Variants in ACTR3C observed in about 807,000 individuals in gnomAD.
ACTR3C encodes actin related protein 3C, also known as actin-related protein 3C.
A neutral mutation model predicts 26.3 loss-of-function variants in ACTR3C; 18 were observed. The observed-to-expected ratio is 0.68, with a 90% CI of 0.47 to 1.01. The LOEUF (loss-of-function observed/expected upper bound fraction) is 1.01. Among genes scored for constraint, ACTR3C ranks in the 50% least tolerant of loss-of-function variants. The pLI, the probability that ACTR3C is intolerant of heterozygous loss-of-function variation, is 0.00. For synonymous variants in ACTR3C, 55 were observed against 94.5 expected, an observed-to-expected ratio of 0.58 and a Z score of 2.42; for missense variants, 184 against 250.7, an observed-to-expected ratio of 0.73 and a Z score of 1.80.
At chr7:149,906,412 CTTTTTTTTTTTTTTTTTTT>C in the ACTR3C span, among the ~76,000 whole-genome samples, 28 of 72,108 alleles carry the variant, frequency 3.9e-4, no homozygotes, top group South Asian at 1.5e-3. Flanking sequence ...GGGTTTGTTT[CTTTTTTTTTTTTTTTTTTT>C]TTTTTTTTTT....
the ACTR3C span, among the ~76,000 whole-genome samples, chr7:150,042,497 C>G: frequency 3.3e-3 from 462 of 141,012 alleles, 5 homozygotes; most frequent in African/African-American, 0.012. Context: ...CCCCGCCTCG[C>G]GGGGATTGCC....
the ACTR3C span, among the ~76,000 whole-genome samples, chr7:149,921,111 AT>A: frequency 1.3e-5 from 2 of 152,046 alleles, no homozygotes; most frequent in Admixed American, 6.6e-5. Flanking sequence ...ATGACTCTGA[AT>A]TTTTTCCAGT....
chr7:149,930,851 G>A, the ACTR3C span, among the ~76,000 whole-genome samples: 13 of 151,978 alleles, frequency 8.6e-5, no homozygotes, highest in Middle Eastern at 3.4e-3. Context: ...GTGTGATCTC[G>A]GTTCACTGCA....
the ACTR3C span, among the ~76,000 whole-genome samples, chr7:149,907,472 C>CT: frequency 0.18 from 16,689 of 90,618 alleles, 1,160 homozygotes; most frequent in Admixed American, 0.24. Flanking sequence ...TCTTGCCTCT[C>CT]TTCTCTTCTC....
At chr7:150,308,959 C>T (rs920852322) in intron 1 of ACTR3C, among the ~76,000 whole-genome samples, 2 of 152,176 alleles carry the variant, frequency 1.3e-5, no homozygotes, top group Admixed American at 6.5e-5. Flanking sequence ...CTCAGTCCTA[C>T]AATTTAACCT....
At chr7:149,985,796 G>A in the ACTR3C span, among the ~76,000 whole-genome samples, 4 of 152,198 alleles carry the variant, frequency 2.6e-5, no homozygotes, top group East Asian at 7.7e-4. Flanking sequence ...TTGAAAGGAT[G>A]CATTTTTAGG....
the ACTR3C span, among the ~76,000 whole-genome samples, chr7:150,038,336 T>C: frequency 4.9e-5 from 7 of 144,212 alleles, 1 homozygote; most frequent in African/African-American, 1.9e-4. Context: ...AAAGTCCAGC[T>C]GCCATCTTTT....
the ACTR3C span, among the ~76,000 whole-genome samples, chr7:150,006,388 G>A: frequency 6.8e-5 from 10 of 147,514 alleles, no homozygotes; most frequent in South Asian, 4.4e-4. Context: ...TAGTAGAGAC[G>A]GGGTTTCACT....
chr7:150,146,529 C>T, the ACTR3C span, among the ~76,000 whole-genome samples: 3 of 152,184 alleles, frequency 2.0e-5, no homozygotes, highest in Non-Finnish European at 4.4e-5. Context: ...AAGAAACTTG[C>T]TCATTATTCA....
At chr7:149,950,485 T>C in the ACTR3C span, among the ~76,000 whole-genome samples, 1 of 151,922 alleles carries the variant, frequency 6.6e-6, no homozygotes, top group Non-Finnish European at 1.5e-5. Context: ...CAGGAAGTGC[T>C]GTGGGATCTA....
At chr7:149,906,192 G>A in the ACTR3C span, among the ~76,000 whole-genome samples, 1 of 152,002 alleles carries the variant, frequency 6.6e-6, no homozygotes, top group Non-Finnish European at 1.5e-5. Flanking sequence ...CTCACAAAAC[G>A]ATGTATCTTT....
At chr7:150,037,915 G>C in the ACTR3C span, among the ~76,000 whole-genome samples, 112 of 127,190 alleles carry the variant, frequency 8.8e-4, 7 homozygotes, top group South Asian at 2.2e-3. Context: ...CAGTCCCCGC[G>C]TCGCGAGGGG....
the ACTR3C span, among the ~76,000 whole-genome samples, chr7:150,064,718 A>G: frequency 6.6e-6 from 1 of 150,794 alleles, no homozygotes; most frequent in Admixed American, 6.6e-5. Context: ...CTCTGATTTC[A>G]TGCCATACTC....
chr7:150,147,583 TTA>T, the ACTR3C span, among the ~76,000 whole-genome samples: 236 of 152,336 alleles, frequency 1.5e-3, 1 homozygote, highest in African/African-American at 5.3e-3. Context: ...TAATCATTCA[TTA>T]ATTATTACAT....
At chr7:150,104,822 T>C in the ACTR3C span, among the ~76,000 whole-genome samples, 2 of 152,078 alleles carry the variant, frequency 1.3e-5, no homozygotes, top group African/African-American at 4.8e-5. Context: ...AGTCTGTCAA[T>C]GACTCCTTGG....
At chr7:150,313,909 C>G (rs1796561261) in intron 1 of ACTR3C, among the ~76,000 whole-genome samples, 1 of 152,170 alleles carries the variant, frequency 6.6e-6, no homozygotes, top group Admixed American at 6.5e-5. Flanking sequence ...CCAGTTTTTG[C>G]AAGGGACTTG....
the ACTR3C span, among the ~76,000 whole-genome samples, chr7:149,949,776 T>C: frequency 6.8e-6 from 1 of 146,798 alleles, no homozygotes; most frequent in African/African-American, 2.7e-5. Flanking sequence ...TGGCCTTTAG[T>C]GGATTCCCTG....
chr7:149,925,125 T>C, the ACTR3C span, among the ~76,000 whole-genome samples: 14 of 151,704 alleles, frequency 9.2e-5, no homozygotes, highest in Admixed American at 9.2e-4. Context: ...GAAGGCACCA[T>C]TTATGATAGC....
the ACTR3C span, among the ~76,000 whole-genome samples, chr7:150,042,777 T>C: frequency 2.6e-5 from 4 of 151,436 alleles, no homozygotes; most frequent in Admixed American, 6.5e-5. Flanking sequence ...GTCTAGTTGT[T>C]TAGAGACGTA....
Sources: allele counts gnomAD v4.1 joint callset (sites outside exome capture counted in the v4.1 genomes callset), GRCh38; gene constraint gnomAD v4.1.1; transcripts MANE v1.5; gene names NCBI Gene and HGNC (gene_info 2026-07-23, HGNC 2026-07-21).